Variants in STPG2 observed in about 807,000 individuals in gnomAD.
STPG2 encodes sperm tail PG-rich repeat containing 2.
A neutral mutation model predicts 54.2 loss-of-function variants in STPG2; 56 were observed. That is an observed-to-expected ratio of 1.03 (90% confidence interval 0.83 to 1.29). The LOEUF is 1.29. Ranked by LOEUF, STPG2 falls within the 50% of genes most tolerant of loss-of-function variation. STPG2 has a pLI of 0.00. For missense variants in STPG2, 596 were observed against 544.9 expected, an observed-to-expected ratio of 1.09 and a Z score of -0.93; for synonymous variants, 200 against 181.8, an observed-to-expected ratio of 1.10 and a Z score of -0.81.
At chr4:97,640,882 C>T (rs1354298040) in intron 10 of STPG2, among the ~76,000 whole-genome samples, 2 of 151,134 alleles carry the variant, frequency 1.3e-5, no homozygotes, top group Non-Finnish European at 3.0e-5. Flanking sequence ...GAGACACAGT[C>T]AAGAAAATAG....
intron 10 of STPG2, chr4:97,633,341 A>T (rs969312585): frequency 6.6e-6 from 1 of 152,214 alleles, no homozygotes; most frequent in Non-Finnish European, 1.5e-5. Flanking sequence ...TGCCAAGAGA[A>T]AATTATATGT....
chr4:97,853,547 A>G (rs1446950794), intron 8 of STPG2, among the ~76,000 whole-genome samples: 2 of 152,234 alleles, frequency 1.3e-5, no homozygotes, highest in Non-Finnish European at 2.9e-5. Flanking sequence ...TAAACAAAAA[A>G]AGAATAAAAC....
At chr4:97,921,143 G>A (rs1732090901) in intron 8 of STPG2, among the ~76,000 whole-genome samples, 1 of 152,070 alleles carries the variant, frequency 6.6e-6, no homozygotes, top group Admixed American at 6.6e-5. Flanking sequence ...AGCATACTGT[G>A]GGCAGAGATA....
chr4:97,625,612 C>A (rs1268778415), intron 10 of STPG2, among the ~76,000 whole-genome samples: 1 of 152,140 alleles, frequency 6.6e-6, no homozygotes, highest in Non-Finnish European at 1.5e-5. Flanking sequence ...CATGCTTGGC[C>A]GCCTCTTCCT....
intron 7 of STPG2, among the ~76,000 whole-genome samples, chr4:97,954,385 G>A (rs1733589669): frequency 6.6e-6 from 1 of 152,194 alleles, no homozygotes; most frequent in African/African-American, 2.4e-5. Context: ...TAGCCTGGCA[G>A]AGAAATGCTG....
intron 5 of STPG2, among the ~76,000 whole-genome samples, chr4:98,051,801 A>T (rs370248429): frequency 1.2e-4 from 18 of 152,138 alleles, no homozygotes; most frequent in African/African-American, 4.3e-4. Context: ...AGCTCTGGCC[A>T]ATATACATAA....
At chr4:98,128,376 T>G (rs1413271744) in intron 3 of STPG2, 52 bp downstream of exon 3, 2 of 1,451,120 alleles carry the variant, frequency 1.4e-6, no homozygotes, top group African/African-American at 1.5e-5. Context: ...GAAACCCATA[T>G]GTAAATCATA....
chr4:97,648,645 A>G (rs1277931918), intron 10 of STPG2, among the ~76,000 whole-genome samples: 1 of 152,148 alleles, frequency 6.6e-6, no homozygotes. Flanking sequence ...TCATGGACAC[A>G]TAATTTATGT....
chr4:97,994,066 T>TTTG (rs544675825), intron 5 of STPG2, among the ~76,000 whole-genome samples: 362 of 152,220 alleles, frequency 2.4e-3, no homozygotes, highest in African/African-American at 7.4e-3. Flanking sequence ...TTTGTATTGT[T>TTTG]TTGTTGTTGT....
chr4:98,137,524 T>C (rs1440677466), intron 1 of STPG2, among the ~76,000 whole-genome samples: 1 of 151,844 alleles, frequency 6.6e-6, no homozygotes, highest in Non-Finnish European at 1.5e-5. Flanking sequence ...TTTATGTGAT[T>C]TTCTATGTAA....
At chr4:97,562,665 T>C (rs1392949664) in intron 10 of STPG2, among the ~76,000 whole-genome samples, 4 of 152,204 alleles carry the variant, frequency 2.6e-5, no homozygotes, top group Non-Finnish European at 4.4e-5. Context: ...TTGTTGAATT[T>C]TGTCAAAGGC....
intron 6 of STPG2, among the ~76,000 whole-genome samples, chr4:97,973,968 A>G (rs1487339458): frequency 1.3e-5 from 2 of 152,202 alleles, no homozygotes; most frequent in Non-Finnish European, 2.9e-5. Flanking sequence ...TCCAAACCCC[A>G]GAATTGTAGA....
rs570588578 is a variant in STPG2 at position 97,907,157 on chromosome 4, A to C, written c.1044+36740T>G. ...CAAAATCTCCTTAAGCTGATAAGCA[A>C]CTTCAGCAAAGTCTCAGGATACAAA... On this transcript the variant is annotated intron_variant, in intron 8 of 10. Coordinates refer to ENST00000295268, the MANE Select transcript of STPG2 (RefSeq NM_174952.3). 7.2e-5 allele frequency among the ~76,000 whole-genome samples: 11 copies of C among 152,180 alleles called. No individual in the cohort carries two copies. In the South Asian group the frequency reaches 2.3e-3, roughly 32 times the overall value.
chr4:98,079,817 C>T (rs1299927723), intron 5 of STPG2, among the ~76,000 whole-genome samples: 1 of 152,020 alleles, frequency 6.6e-6, no homozygotes, highest in Non-Finnish European at 1.5e-5. Context: ...ATATCAATCT[C>T]TCTAAAATGT....
At chr4:97,722,966 T>G (rs1049125675) in intron 9 of STPG2, among the ~76,000 whole-genome samples, 91 of 25,834 alleles carry the variant, frequency 3.5e-3, no homozygotes, top group African/African-American at 0.015. Context: ...CCCGGCTAAT[T>G]TTTTTTTTTT....
intron 9 of STPG2, among the ~76,000 whole-genome samples, chr4:97,840,517 G>A (rs973967894): frequency 1.3e-5 from 2 of 151,618 alleles, no homozygotes; most frequent in Non-Finnish European, 3.0e-5. Flanking sequence ...ATCACAGTAA[G>A]TCCTCACATA....
intron 8 of STPG2, among the ~76,000 whole-genome samples, chr4:97,886,577 GT>G (rs1259313059): frequency 1.1e-4 from 16 of 152,310 alleles, no homozygotes; most frequent in African/African-American, 3.1e-4. Context: ...GTAAACGTAT[GT>G]TTCTGGAAGA....
At chr4:97,484,981 C>G (rs950389226) in intron 4 of STPG2, among the ~76,000 whole-genome samples, 5 of 151,800 alleles carry the variant, frequency 3.3e-5, no homozygotes, top group Non-Finnish European at 7.4e-5. Flanking sequence ...TCACTAGATG[C>G]AGAAAAAGCA....
intron 8 of STPG2, among the ~76,000 whole-genome samples, chr4:97,910,678 C>T (rs1731644597): frequency 1.3e-5 from 2 of 151,922 alleles, no homozygotes; most frequent in Admixed American, 6.6e-5. Flanking sequence ...TTCAAAAGTA[C>T]TCATCATAAC....
Sources: gnomAD v4.1 joint callset for allele counts (sites outside exome capture counted in the v4.1 genomes callset) on GRCh38, gnomAD v4.1.1 for gene constraint, MANE v1.5 for transcripts, NCBI Gene and HGNC (gene_info 2026-07-23, HGNC 2026-07-21) for gene names.